HMG20B: variants seen among roughly 807,000 people sequenced by gnomAD.
The protein encoded by HMG20B is high mobility group 20B.
HMG20B carries 24 observed loss-of-function variants against 41.6 expected under a neutral mutation model. That is an observed-to-expected ratio of 0.58 (90% CI 0.42 to 0.81). The LOEUF is 0.81. Ranked by LOEUF, HMG20B falls within the 30% of genes least tolerant of loss-of-function variation. HMG20B has a pLI of 0.00. For missense variants in HMG20B, 461 were observed against 444.0 expected, an observed-to-expected ratio of 1.04 and a Z score of -0.34; for synonymous variants, 251 against 186.6, an observed-to-expected ratio of 1.34 and a Z score of -2.81.
At chr19:3,573,375 C>T in intron 2 of HMG20B, 28 bp downstream of exon 2, 1 of 1,512,076 alleles carries the variant, frequency 6.6e-7, no homozygotes, top group Admixed American at 2.1e-5. Flanking sequence ...CTCCCCACGC[C>T]CTCGCTACTT....
At chr19:3,578,345 C>T (rs1054041411) in intron 9 of HMG20B, 164 bp from the exon 10 acceptor site, 1 of 1,194,750 alleles carries the variant, frequency 8.4e-7, no homozygotes, top group East Asian at 2.6e-5. Flanking sequence ...TAAAGCTTCT[C>T]AGGGTGGATC....
At chr19:3,578,319 G>A (rs1568273803) in intron 9 of HMG20B, 190 bp from the exon 10 acceptor site, 2 of 1,134,992 alleles carry the variant, frequency 1.8e-6, no homozygotes, top group Non-Finnish European at 2.5e-6. Flanking sequence ...CCCACTCGGG[G>A]GCACCAGAAC....
chr19:3,578,704 C>A lies in HMG20B; in HGVS notation c.*183C>A. On this transcript the variant is annotated 3_prime_UTR_variant, in exon 10 of 10. Coordinates refer to ENST00000333651, the MANE Select transcript of HMG20B (RefSeq NM_006339.3). ...CCTTTAGCTTTCAATCTCCCCAGCC[C>A]CCTGAACCCGGAAAAAGCACTCGCT... is the stretch of plus-strand genomic sequence containing the variant. The A allele has an allele frequency of 1.2e-6, 1 of 862,810 alleles. No homozygotes were observed. 53.4% of individuals were successfully genotyped at this position (862,810 alleles called of 1,614,324 possible).
chr19:3,578,137 G>A (rs756928436), intron 9 of HMG20B, 24 bp downstream of exon 9: 6 of 1,604,698 alleles, frequency 3.7e-6, no homozygotes, highest in Middle Eastern at 1.7e-4. Context: ...GAGGCGGGGC[G>A]GGGCCGGGGT....
Position 3,578,499 on chromosome 19 carries a change from C to G in HMG20B, c.942-10C>G. ...AGGGCCTCATCCCGGGCCCTCCTCT[C>G]TCGTTTCAGCGAGCACCTGTGAGGA... On this transcript the variant is annotated splice_polypyrimidine_tract_variant and intron_variant, in intron 9 of 9. Coordinates refer to ENST00000333651, the MANE Select transcript of HMG20B (RefSeq NM_006339.3). 1.3e-6 allele frequency: 2 copies of G among 1,543,078 alleles called. No individual in the cohort carries two copies. The highest frequency in any genetic ancestry group is 2.4e-5 in the East Asian group (1 of 42,270).
At chr19:3,574,219 T>G (rs1350912776) in intron 3 of HMG20B, 164 bp from the exon 4 acceptor site, 3 of 659,348 alleles carry the variant, frequency 4.5e-6, no homozygotes, top group Non-Finnish European at 8.0e-6. Context: ...ACCCACCGTG[T>G]CCCGACTGCT....
At chr19:3,573,948 A>G (rs944366617) in intron 3 of HMG20B, 148 bp downstream of exon 3, 2 of 775,450 alleles carry the variant, frequency 2.6e-6, no homozygotes, top group Non-Finnish European at 2.2e-6. Flanking sequence ...GCCAGCTGCC[A>G]CGCCCCTGAC....
At chr19:3,576,494 C>G in intron 6 of HMG20B, 59 bp from the exon 7 acceptor site, 1 of 1,508,216 alleles carries the variant, frequency 6.6e-7, no homozygotes, top group Non-Finnish European at 9.2e-7. Flanking sequence ...TGGGGCACAC[C>G]CAGAGAGCGT....
At chr19:3,578,236 G>A (rs747925978) in intron 9 of HMG20B, 123 bp downstream of exon 9, 5 of 1,386,394 alleles carry the variant, frequency 3.6e-6, no homozygotes, top group East Asian at 4.8e-5. Context: ...ATCACCTCCC[G>A]GAGGGGCCTA....
Position 3,576,638 on chromosome 19 carries a change from T to C in HMG20B, c.592+13T>C. 6.2e-7 allele frequency: 1 copy of C among 1,605,996 alleles called. No homozygotes were observed. ...GACCAAAACAAAGGTGAGCGGTAACTGCGCTCCTGATGCGAACTCCGTGAA... is the reference window on the plus strand; with the variant it reads ...GACCAAAACAAAGGTGAGCGGTAACCGCGCTCCTGATGCGAACTCCGTGAA... On this transcript the variant is annotated intron_variant, in intron 7 of 9. Transcript: ENST00000333651.
chr19:3,575,954 A>AG, intron 5 of HMG20B: 4 of 508,410 alleles, frequency 7.9e-6, no homozygotes, highest in Non-Finnish European at 1.0e-5. Flanking sequence ...AAAAAAAAAA[A>AG]AAAAAGAAAA....
chr19:3,577,571 G>C (rs1425394040), intron 8 of HMG20B, among the ~76,000 whole-genome samples: 2 of 82,114 alleles, frequency 2.4e-5, no homozygotes, highest in Non-Finnish European at 2.3e-5. Context: ...CAGCCTCCCC[G>C]CTCGCCACGC....
Position 3,576,301 on chromosome 19 carries a change from A to G in HMG20B, c.513A>G (p.Gly171=), listed in dbSNP as rs2032160750. The G allele has an allele frequency of 6.2e-7, 1 of 1,607,806 alleles. No homozygotes were observed. Among genetic ancestry groups the G allele is most frequent in the African/African-American group, 1.3e-5 (1 of 74,870 alleles). The change falls in exon 6 of 10, where the codon GGA becomes GGG. Residue 171 remains glycine, a synonymous_variant. Coordinates refer to ENST00000333651, the MANE Select transcript of HMG20B (RefSeq NM_006339.3). ...SSGLMNTLLN[G]HKGGDCDGFS... ...GGCTCATGAACACTCTCCTGAATGGACACAAGGTAAGCGACCTTCTTCCTC... is the reference window on the plus strand; with the variant it reads ...GGCTCATGAACACTCTCCTGAATGGGCACAAGGTAAGCGACCTTCTTCCTC...
Position 3,574,434 on chromosome 19 carries a change from C to A in HMG20B, c.199C>A (p.Pro67Thr). ...GGGCAAGAAGCGGAAGAAGATTCTGCCGAATGGGCCCAAGGCACCGGTCAC... is the reference window on the plus strand; with the variant it reads ...GGGCAAGAAGCGGAAGAAGATTCTGACGAATGGGCCCAAGGCACCGGTCAC... ...PKGKKRKKIL[P>T]NGPKAPVTGY... Residue 67 changes from proline to threonine, a missense_variant, in exon 4 of 10, where the codon CCG (proline) becomes ACG (threonine). Pro to Thr is a conservative substitution (Grantham distance 38, BLOSUM62 -1). Around this residue, in one of 3 missense-constraint regions of HMG20B, gnomAD observed 49 missense variants for 84.1 expected, o/e 0.58. Transcript: ENST00000333651. 1 of 1,608,318 alleles carries A rather than the reference C, an allele frequency of 6.2e-7. No individual in the cohort carries two copies. Among genetic ancestry groups the A allele is most frequent in the South Asian group, 1.1e-5 (1 of 90,212 alleles).
At chr19:3,576,348 G>T (rs200252527) in intron 6 of HMG20B, 41 bp downstream of exon 6, 1 of 1,598,128 alleles carries the variant, frequency 6.3e-7, no homozygotes, top group Admixed American at 1.7e-5. Context: ...GGGGGAGAAA[G>T]GTCTGGAGGC....
At chr19:3,573,263 A>G (rs1429092638) in intron 1 of HMG20B, 29 bp from the exon 2 acceptor site, 5 of 1,507,422 alleles carry the variant, frequency 3.3e-6, no homozygotes, top group South Asian at 2.4e-5. Context: ...CCCGGGCGCT[A>G]CTCACCTCCG....
intron 1 of HMG20B, 89 bp from the exon 2 acceptor site, chr19:3,573,203 C>T: frequency 9.0e-7 from 1 of 1,112,230 alleles, no homozygotes; most frequent in Non-Finnish European, 1.2e-6. Context: ...CCCGGCATCC[C>T]GGGGCTCTCC....
chr19:3,576,990 C>T lies in HMG20B; in HGVS notation c.691C>T (p.Arg231Cys). Residue 231 changes from arginine (R) to cysteine (C), a missense_variant, in exon 8 of 10, where the codon CGC (arginine) becomes TGC (cysteine). By Grantham distance (180) the Arg-to-Cys change is radical. Around this residue, in one of 3 missense-constraint regions of HMG20B, gnomAD observed 308 missense variants for 283.4 expected, o/e 1.09. Coordinates refer to ENST00000333651, the MANE Select transcript of HMG20B (RefSeq NM_006339.3). ...GCACACGCAGAGCATGAGCAGCGCG[C>T]GCGAGCGTCTGGAGCAGGAGCTGGC... ...QRHTQSMSSA[R>C]ERLEQELALE... 1.9e-6 allele frequency: 3 copies of T among 1,566,208 alleles called. No individual in the cohort carries two copies. The highest frequency in any genetic ancestry group is 2.6e-6 in the Non-Finnish European group (3 of 1,156,986).
At chr19:3,575,690 C>G in intron 5 of HMG20B, 30 bp downstream of exon 5, 1 of 1,540,460 alleles carries the variant, frequency 6.5e-7, no homozygotes, top group Non-Finnish European at 8.8e-7. Flanking sequence ...GTGGCTCACG[C>G]CTGTCATCCC....
Sources: allele counts gnomAD v4.1 joint callset (sites outside exome capture counted in the v4.1 genomes callset), GRCh38; gene constraint gnomAD v4.1.1; regional missense constraint gnomAD v4.1.1; transcripts MANE v1.5; gene names NCBI Gene and HGNC (gene_info 2026-07-23, HGNC 2026-07-21).